Variants in ARHGAP26 observed in about 807,000 individuals in gnomAD.
ARHGAP26 encodes rho GTPase-activating protein 26.
Under a neutral mutation model 104.8 loss-of-function variants are expected in ARHGAP26, and 38 were observed. The observed-to-expected ratio is 0.36, with a 90% CI of 0.28 to 0.48. The LOEUF is 0.48. Ranked by LOEUF, ARHGAP26 falls within the 20% of genes least tolerant of loss-of-function variation. The pLI is 0.99. For missense variants in ARHGAP26, 704 were observed against 947.9 expected (o/e 0.74, Z 3.38); for synonymous variants, 341 against 340.0 (o/e 1.00, Z -0.03).
chr5:143,208,683 C>T (rs979009768), intron 21 of ARHGAP26, among the ~76,000 whole-genome samples: 4 of 152,212 alleles, frequency 2.6e-5, no homozygotes, highest in Admixed American at 2.6e-4. Context: ...GCACTCTTTC[C>T]TCCAAACACG....
chr5:143,063,060 A>G (rs1264910262), intron 17 of ARHGAP26, among the ~76,000 whole-genome samples: 1 of 152,140 alleles, frequency 6.6e-6, no homozygotes, highest in Admixed American at 6.6e-5. Flanking sequence ...TCTAGTAACC[A>G]CTGAACACCG....
chr5:142,841,609 T>C (rs1449985903), intron 1 of ARHGAP26, among the ~76,000 whole-genome samples: 2 of 152,156 alleles, frequency 1.3e-5, no homozygotes, highest in Non-Finnish European at 2.9e-5. Flanking sequence ...TGATGGAAAC[T>C]GTAGATTTCT....
At chr5:143,150,190 G>T (rs1222578558) in intron 20 of ARHGAP26, among the ~76,000 whole-genome samples, 1 of 152,208 alleles carries the variant, frequency 6.6e-6, no homozygotes, top group Non-Finnish European at 1.5e-5. Context: ...AGGACAATTG[G>T]TAAGTCAGGA....
intron 1 of ARHGAP26, among the ~76,000 whole-genome samples, chr5:142,867,618 G>A (rs1754549141): frequency 6.6e-6 from 1 of 152,118 alleles, no homozygotes; most frequent in Non-Finnish European, 1.5e-5. Flanking sequence ...GGCTAAGAGA[G>A]GACAGTTGGT....
chr5:143,209,842 A>G (rs1809161608), intron 21 of ARHGAP26, among the ~76,000 whole-genome samples: 1 of 152,004 alleles, frequency 6.6e-6, no homozygotes, highest in African/African-American at 2.4e-5. Flanking sequence ...ATGAGCACAG[A>G]CAGCAACACT....
intron 11 of ARHGAP26, among the ~76,000 whole-genome samples, chr5:142,940,842 C>A (rs181387265): frequency 7.1e-4 from 107 of 151,772 alleles, no homozygotes; most frequent in African/African-American, 2.4e-3. Flanking sequence ...TTTGGGAAGC[C>A]GAGGTGGGCA....
chr5:143,181,526 G>A (rs146435083), intron 20 of ARHGAP26, among the ~76,000 whole-genome samples: 79 of 152,286 alleles, frequency 5.2e-4, no homozygotes, highest in African/African-American at 1.7e-3. Context: ...GCACTTATCA[G>A]TGTGTTGTCA....
chr5:142,855,988 G>A (rs763066130), intron 1 of ARHGAP26, among the ~76,000 whole-genome samples: 10 of 152,230 alleles, frequency 6.6e-5, no homozygotes, highest in African/African-American at 9.6e-5. Flanking sequence ...AATCGCGGCT[G>A]TGAGAAGTCA....
Position 143,226,648 on chromosome 5 carries a change from T to C in ARHGAP26, c.*4202T>C. ...GGGATGGACCCTGTGCATTGTGGCC[T>C]GCCTTGGTGTCCTAGAATTGGAGCC... On this transcript the variant is annotated 3_prime_UTR_variant, in exon 23 of 23. Coordinates refer to ENST00000645722, the MANE Select transcript of ARHGAP26 (RefSeq NM_001135608.3). 4.6e-6 allele frequency: 1 copy of C among 216,612 alleles called. No homozygotes were observed. The highest frequency in any genetic ancestry group is 6.8e-5 in the East Asian group (1 of 14,634). 13.4% of individuals were successfully genotyped at this position (216,612 alleles called of 1,614,324 possible).
intron 20 of ARHGAP26, among the ~76,000 whole-genome samples, chr5:143,178,584 T>C (rs1284562321): frequency 2.0e-5 from 3 of 152,186 alleles, no homozygotes; most frequent in Admixed American, 6.5e-5. Flanking sequence ...CTGGCTTAGG[T>C]GCCACTATTC....
intron 11 of ARHGAP26, among the ~76,000 whole-genome samples, chr5:142,985,523 T>TA (rs973557000): frequency 2.6e-5 from 4 of 152,130 alleles, no homozygotes; most frequent in East Asian, 3.9e-4. Context: ...TTTTTTTTTT[T>TA]AATTTAAGTT....
At chr5:142,822,659 C>T (rs1766427863) in intron 1 of ARHGAP26, among the ~76,000 whole-genome samples, 3 of 152,008 alleles carry the variant, frequency 2.0e-5, no homozygotes, top group South Asian at 4.1e-4. Flanking sequence ...TGTATGCACA[C>T]ACACCATACA....
intron 10 of ARHGAP26, among the ~76,000 whole-genome samples, chr5:142,929,578 C>T (rs1764418991): frequency 6.6e-6 from 1 of 152,286 alleles, no homozygotes; most frequent in East Asian, 1.9e-4. Context: ...CCCACTTCCC[C>T]TGTAAAAGGG....
At chr5:143,081,366 G>C (rs1236600386) in intron 17 of ARHGAP26, among the ~76,000 whole-genome samples, 3 of 152,182 alleles carry the variant, frequency 2.0e-5, no homozygotes, top group Non-Finnish European at 4.4e-5. Context: ...TCACACCATA[G>C]AGAATAAAAT....
At chr5:142,786,734 C>T (rs1328751166) in intron 1 of ARHGAP26, among the ~76,000 whole-genome samples, 2 of 149,322 alleles carry the variant, frequency 1.3e-5, no homozygotes, top group Admixed American at 6.7e-5. Flanking sequence ...GCAACCTCCG[C>T]CTCCCGGGCT....
intron 13 of ARHGAP26, among the ~76,000 whole-genome samples, chr5:143,038,426 A>C (rs1782964134): frequency 6.6e-6 from 1 of 152,196 alleles, no homozygotes. Flanking sequence ...GAATTAAGGC[A>C]TCTTGTAAAG....
intron 1 of ARHGAP26, chr5:142,866,810 C>T (rs543349979): frequency 6.6e-6 from 1 of 152,084 alleles, no homozygotes; most frequent in Non-Finnish European, 1.5e-5. Context: ...TGTAACGTAC[C>T]GTGGCTGATG....
intron 12 of ARHGAP26, among the ~76,000 whole-genome samples, chr5:143,030,407 A>G (rs1781682141): frequency 2.0e-5 from 3 of 152,210 alleles, no homozygotes; most frequent in Non-Finnish European, 4.4e-5. Flanking sequence ...CAGGAGGTCT[A>G]AAAGTGTCCA....
chr5:143,196,629 C>T (rs1806876558), intron 20 of ARHGAP26, among the ~76,000 whole-genome samples: 1 of 152,184 alleles, frequency 6.6e-6, no homozygotes, highest in Non-Finnish European at 1.5e-5. Context: ...AGGCACATTA[C>T]AACCTTCTTG....
Sources: gnomAD v4.1 joint callset for allele counts (sites outside exome capture counted in the v4.1 genomes callset) on GRCh38, gnomAD v4.1.1 for gene constraint, MANE v1.5 for transcripts, NCBI Gene and HGNC (gene_info 2026-07-23, HGNC 2026-07-21) for gene names.